BBC3: variants seen among roughly 807,000 people sequenced by gnomAD.
BBC3 encodes the protein bcl-2-binding component 3.
Under a neutral mutation model 18.2 loss-of-function variants are expected in BBC3, and 5 were observed. The ratio of observed to expected loss-of-function variants is 0.27; its 90% CI spans 0.14 to 0.58. BBC3 has a LOEUF of 0.58. BBC3 is among the 20% of genes least tolerant of loss of function. BBC3 has a pLI of 0.91. For synonymous variants in BBC3, 119 were observed against 128.0 expected (o/e 0.93, Z 0.47); for missense variants, 224 against 268.9 (o/e 0.83, Z 1.17).
At position 47,221,915 on chromosome 19, in the gene BBC3, G is replaced by C. The variant is rs906359318; in HGVS notation, c.469C>G (p.Gln157Glu). The change falls in exon 4 of 4, where the codon CAA (glutamine) becomes GAA (glutamate). Residue 157 changes from glutamine (Q) to glutamate (E), a missense_variant. Coordinates refer to ENST00000439096, the MANE Select transcript of BBC3 (RefSeq NM_014417.5). ...GGGCGGTGCCGCTGCTGCTCCTCTT[G>C]TCTCTGGGGAAAAGAGAGAGAAGGG... ...DLNAQYERRRQEEQQRHRPSP... is the reference protein window; with the variant it reads ...DLNAQYERRREEEQQRHRPSP... 2.5e-6 allele frequency: 4 copies of C among 1,601,020 alleles called. No individual in the cohort carries two copies. Among genetic ancestry groups the C allele is most frequent in the Non-Finnish European group, 3.4e-6 (4 of 1,174,286 alleles).
At chr19:47,231,227 T>C, upstream of BBC3, 1 of 979,102 alleles carries the variant, frequency 1.0e-6, no homozygotes, top group Non-Finnish European at 1.2e-6. This position sits in a 1 kb window ranked among gnomAD's most constrained non-coding sequence, Gnocchi z 4.0. Flanking sequence ...CCGGGCCCGC[T>C]CCAAAGCCGC....
chr19:47,226,106 G>T (rs1438539054), intron 3 of BBC3, among the ~76,000 whole-genome samples: 2 of 151,960 alleles, frequency 1.3e-5, no homozygotes, highest in Non-Finnish European at 2.9e-5. Flanking sequence ...CGCGGGGCGG[G>T]GCTGCGAGCC....
At position 47,221,923 on chromosome 19, in the gene BBC3, G is replaced by T; in HGVS notation, c.466-5C>A. 1.3e-6 allele frequency: 2 copies of T among 1,596,970 alleles called. No homozygotes were observed. The highest frequency in any genetic ancestry group is 1.7e-6 in the Non-Finnish European group (2 of 1,171,938). ...CCGCTGCTGCTCCTCTTGTCTCTGG[G>T]GAAAAGAGAGAGAAGGGGCAGTTAG... On this transcript the variant is annotated splice_region_variant and splice_polypyrimidine_tract_variant and intron_variant, in intron 3 of 3. Coordinates refer to ENST00000439096, the MANE Select transcript of BBC3 (RefSeq NM_014417.5).
At chr19:47,224,476 A>G (rs1247280421) in intron 3 of BBC3, among the ~76,000 whole-genome samples, 2 of 151,652 alleles carry the variant, frequency 1.3e-5, no homozygotes, top group Non-Finnish European at 1.5e-5. Context: ...ATAAAATAAA[A>G]ATTAGCCAGG....
At chr19:47,225,304 T>G (rs2123369147) in intron 3 of BBC3, among the ~76,000 whole-genome samples, 1 of 152,206 alleles carries the variant, frequency 6.6e-6, no homozygotes. Flanking sequence ...TGCCTCCGCC[T>G]CCCAAAGGGC....
chr19:47,226,808 G>A lies in BBC3; in HGVS notation c.275-54C>T, dbSNP rs930871496. On this transcript the variant is annotated intron_variant, in intron 2 of 3. Coordinates refer to ENST00000439096, the MANE Select transcript of BBC3 (RefSeq NM_014417.5). ...ACCCACCACCCCTCCAGGCCTCGAGGTGTCTCGGCCTGCTCCCCTCTTTCC... is the reference window on the plus strand; with the variant it reads ...ACCCACCACCCCTCCAGGCCTCGAGATGTCTCGGCCTGCTCCCCTCTTTCC... 77 of 1,342,784 alleles carry A rather than the reference G, an allele frequency of 5.7e-5. No homozygotes were observed. The Middle Eastern group carries it at 2.3e-3, about 41-fold the overall frequency. 83.2% of individuals were successfully genotyped at this position (1,342,784 alleles called of 1,614,324 possible).
chr19:47,226,869 A>C, intron 2 of BBC3, 115 bp from the exon 3 acceptor site: 2 of 918,948 alleles, frequency 2.2e-6, no homozygotes, highest in Non-Finnish European at 1.5e-6. Flanking sequence ...TAGTGATCCC[A>C]TCGCTAGTGA....
At chr19:47,231,448 G>A (rs1370125077), upstream of BBC3, among the ~76,000 whole-genome samples, 1 of 152,154 alleles carries the variant, frequency 6.6e-6, no homozygotes, top group Non-Finnish European at 1.5e-5. The surrounding 1 kb of genome is among the most constrained non-coding windows in gnomAD (Gnocchi z 4.0). Context: ...GCGGCGGGGT[G>A]TGGGGAGATC....
In BBC3 at chr19:47,230,946, G is replaced by C; in HGVS notation, c.-33C>G. 1.0e-6 allele frequency: 1 copy of C among 983,756 alleles called. No individual in the cohort carries two copies. Among genetic ancestry groups the C allele is most frequent in the Non-Finnish European group, 1.2e-6 (1 of 828,492 alleles). The allele number at this position is 983,756 out of a possible 1,614,324, so 60.9% of individuals were successfully genotyped here. A position where few individuals can be genotyped will look rare whatever the true frequency, so the allele number is the denominator to read the frequency against. The stretch of plus-strand genomic sequence containing the variant: ...ACACTCACCCCGGGGGCATGAACAC[G>C]CCGGAGGGGGCGGCGGTGGGGGGCG... On this transcript the variant is annotated 5_prime_UTR_variant, in exon 1 of 4. Transcript: ENST00000439096. The surrounding 1 kb of genome is among the most constrained non-coding windows in gnomAD (Gnocchi z 6.7).
chr19:47,227,032 G>T lies in BBC3; in HGVS notation c.275-278C>A, dbSNP rs759119729. 7.5e-4 allele frequency: 261 copies of T among 346,996 alleles called. 1 individual carries two copies. Among genetic ancestry groups the T allele is most frequent in the Non-Finnish European group, 1.2e-3 (224 of 189,768 alleles). The allele number at this position is 346,996 out of a possible 1,614,324, so 21.5% of individuals were successfully genotyped here. Reference sequence around the variant, plus strand: ...GAGAGGTGACCCCGGGGGTGGTCAGGCTTAACGACCTCTATTTTCCAAAGG... The same window carrying T: ...GAGAGGTGACCCCGGGGGTGGTCAGTCTTAACGACCTCTATTTTCCAAAGG... On this transcript the variant is annotated intron_variant, in intron 2 of 3. Transcript: ENST00000439096.
Position 47,230,703 on chromosome 19 carries a change from C to A in BBC3, c.-16+226G>T, listed in dbSNP as rs1388388373. 17 of 984,180 alleles carry A rather than the reference C, an allele frequency of 1.7e-5. No homozygotes were observed. Among genetic ancestry groups the A allele is most frequent in the African/African-American group, 1.7e-5 (1 of 57,184 alleles). The allele number at this position is 984,180 out of a possible 1,614,324, so 61.0% of individuals were successfully genotyped here. On this transcript the variant is annotated intron_variant, in intron 1 of 3. Coordinates refer to ENST00000439096, the MANE Select transcript of BBC3 (RefSeq NM_014417.5). This position sits in a 1 kb window ranked among gnomAD's most constrained non-coding sequence, Gnocchi z 6.7. ...CGCACCCCATTGTTTGTAAACAAACCCGCCAGACCGCCGAGGCACCTGTGC... is the reference window on the plus strand; with the variant it reads ...CGCACCCCATTGTTTGTAAACAAACACGCCAGACCGCCGAGGCACCTGTGC...
chr19:47,222,154 G>A (rs1010693453), intron 3 of BBC3: 9 of 467,882 alleles, frequency 1.9e-5, no homozygotes, highest in Non-Finnish European at 3.0e-5. Flanking sequence ...CCAAGCGAGT[G>A]CGTGGCACAT....
intron 3 of BBC3, among the ~76,000 whole-genome samples, chr19:47,225,102 G>A (rs1056564505): frequency 6.6e-6 from 1 of 151,936 alleles, no homozygotes; most frequent in Non-Finnish European, 1.5e-5. Context: ...GTAGAGACGG[G>A]GTTTGTTCAT....
At position 47,230,846 on chromosome 19, in the gene BBC3, C is replaced by T. The variant is rs1187599998; in HGVS notation, c.-16+83G>A. The T allele has an allele frequency of 6.1e-6, 6 of 983,790 alleles. No homozygotes were observed. The highest frequency in any genetic ancestry group is 1.7e-5 in the African/African-American group (1 of 57,164). The allele number at this position is 983,790 out of a possible 1,614,324, so 60.9% of individuals were successfully genotyped here. On this transcript the variant is annotated intron_variant, in intron 1 of 3. Coordinates refer to ENST00000439096, the MANE Select transcript of BBC3 (RefSeq NM_014417.5). The surrounding 1 kb of genome is among the most constrained non-coding windows in gnomAD (Gnocchi z 6.7). Reference sequence around the variant, plus strand: ...GGCAGGGCGCCCACACTGCTCTCCGCCTGCACTCCTGTCACCTCCTCCAGG... The same window carrying T: ...GGCAGGGCGCCCACACTGCTCTCCGTCTGCACTCCTGTCACCTCCTCCAGG...
Position 47,230,414 on chromosome 19 carries a change from C to T in BBC3, c.-16+515G>A, listed in dbSNP as rs2058896493. ...CCGCTGTCACAGCCCCCCCCACCGC[C>T]GCCACGTGCGCCCGCCCCGCCCGCC... On this transcript the variant is annotated intron_variant, in intron 1 of 3. Transcript: ENST00000439096. This position sits in a 1 kb window ranked among gnomAD's most constrained non-coding sequence, Gnocchi z 6.7. Among the ~76,000 whole-genome samples the T allele has an allele frequency of 6.6e-6, 1 of 151,302 alleles. No individual in the cohort carries two copies. The highest frequency in any genetic ancestry group is 2.4e-5 in the African/African-American group (1 of 41,344).
At chr19:47,225,705 C>T (rs1420540943) in intron 3 of BBC3, among the ~76,000 whole-genome samples, 3 of 152,034 alleles carry the variant, frequency 2.0e-5, no homozygotes, top group Non-Finnish European at 4.4e-5. Context: ...AATCTGAAGC[C>T]TAATATTGAG....
chr19:47,229,471 A>AAC (rs149086344), intron 1 of BBC3, among the ~76,000 whole-genome samples: 1,610 of 149,010 alleles, frequency 0.011, 16 homozygotes, highest in Non-Finnish European at 0.016. Context: ...AACTGTCAGC[A>AAC]ACACACACAC....
At position 47,230,181 on chromosome 19, in the gene BBC3, A is replaced by C. The variant is rs1403339990; in HGVS notation, c.-16+748T>G. ...CCCACCCCACAAGCAGGGCACCCAC[A>C]GACAGAACCCCACACAAACAGGCGC... On this transcript the variant is annotated intron_variant, in intron 1 of 3. Coordinates refer to ENST00000439096, the MANE Select transcript of BBC3 (RefSeq NM_014417.5). The surrounding 1 kb of genome is among the most constrained non-coding windows in gnomAD (Gnocchi z 6.7). 6.6e-6 allele frequency among the ~76,000 whole-genome samples: 1 copy of C among 151,934 alleles called. No individual in the cohort carries two copies. Among genetic ancestry groups the C allele is most frequent in the Admixed American group, 6.6e-5 (1 of 15,254 alleles).
chr19:47,228,068 C>A lies in BBC3; in HGVS notation c.274+90G>T. 9.4e-7 allele frequency: 1 copy of A among 1,069,330 alleles called. No homozygotes were observed. The highest frequency in any genetic ancestry group is 1.2e-6 in the Non-Finnish European group (1 of 847,412). 66.2% of individuals were successfully genotyped at this position (1,069,330 alleles called of 1,614,324 possible). A position where few individuals can be genotyped will look rare whatever the true frequency, so the allele number is the denominator to read the frequency against. On this transcript the variant is annotated intron_variant, in intron 2 of 3. Transcript: ENST00000439096. This position sits in a 1 kb window ranked among gnomAD's most constrained non-coding sequence, Gnocchi z 5.5. ...GGCCCGGCTGGGCCCGCCACCTCCC[C>A]CCGTCCTCTCCCACTTCTCCAGTTC...
Sources: allele counts gnomAD v4.1 joint callset (sites outside exome capture counted in the v4.1 genomes callset), GRCh38; gene constraint gnomAD v4.1.1; non-coding constraint Gnocchi (gnomAD v3.1); transcripts MANE v1.5; gene names NCBI Gene and HGNC (gene_info 2026-07-23, HGNC 2026-07-21).